Variants in ATAD2B observed in about 807,000 individuals in gnomAD.
ATAD2B encodes ATPase family AAA domain-containing protein 2B.
In ATAD2B, 40 loss-of-function variants were observed where a neutral mutation model predicts 167.6. The observed-to-expected ratio is 0.24, with a 90% CI of 0.19 to 0.31. ATAD2B has a LOEUF of 0.31. Among genes scored for constraint, ATAD2B ranks in the 10% least tolerant of loss-of-function variants. The pLI is 1.00. For missense variants in ATAD2B, 1,242 were observed against 1,757.2 expected, an observed-to-expected ratio of 0.71 and a Z score of 5.24; for synonymous variants, 579 against 596.5, an observed-to-expected ratio of 0.97 and a Z score of 0.43.
Position 23,926,865 on chromosome 2 carries a change from G to C in ATAD2B, c.-95C>G, listed in dbSNP as rs1704954779. 7.1e-7 allele frequency: 1 copy of C among 1,399,930 alleles called. No homozygotes were observed. Among genetic ancestry groups the C allele is most frequent in the East Asian group, 2.7e-5 (1 of 36,946 alleles). The allele number at this position is 1,399,930 out of a possible 1,614,324, so 86.7% of individuals were successfully genotyped here. On this transcript the variant is annotated 5_prime_UTR_variant, in exon 1 of 28. Transcript: ENST00000238789. ...CAGTCAGGGCCAGCGGAGCCGAGCCGGGCAATGAGAGACGAGCCGGCCCGG... is the reference window on the plus strand; with the variant it reads ...CAGTCAGGGCCAGCGGAGCCGAGCCCGGCAATGAGAGACGAGCCGGCCCGG...
chr2:23,703,297 C>T, the ATAD2B span: 22 of 1,548,346 alleles, frequency 1.4e-5, no homozygotes, highest in Middle Eastern at 3.3e-4. Context: ...GTGGGGTGAA[C>T]GAGGCAGGCC....
intron 17 of ATAD2B, among the ~76,000 whole-genome samples, chr2:23,815,124 G>A (rs1388704595): frequency 6.6e-6 from 1 of 152,018 alleles, no homozygotes; most frequent in Non-Finnish European, 1.5e-5. Flanking sequence ...TACTTTAGAG[G>A]AACAAGATAA....
intron 13 of ATAD2B, among the ~76,000 whole-genome samples, chr2:23,848,475 G>C (rs754582883): frequency 1.3e-5 from 2 of 152,116 alleles, no homozygotes; most frequent in Non-Finnish European, 2.9e-5. Context: ...GTGAGACTCT[G>C]TCTCAAAAAA....
intron 2 of ATAD2B, among the ~76,000 whole-genome samples, chr2:23,889,736 A>C (rs1185560401): frequency 6.6e-6 from 1 of 151,242 alleles, no homozygotes; most frequent in Non-Finnish European, 1.5e-5. Context: ...CCTGGCCAAC[A>C]TGGTGAAACC....
At chr2:23,762,387 A>G (rs767313482) in intron 23 of ATAD2B, 41 bp from the exon 24 acceptor site, 5 of 1,569,042 alleles carry the variant, frequency 3.2e-6, no homozygotes, top group Non-Finnish European at 3.4e-6. Context: ...AAATATTCCC[A>G]GCTACATAAA....
chr2:23,722,095 A>G, the ATAD2B span, among the ~76,000 whole-genome samples: 2 of 152,244 alleles, frequency 1.3e-5, no homozygotes, highest in Non-Finnish European at 2.9e-5. Context: ...CCATTCATAC[A>G]AATAAATCTT....
intron 1 of ATAD2B, among the ~76,000 whole-genome samples, chr2:23,919,866 T>C (rs1259068833): frequency 7.8e-6 from 1 of 128,114 alleles, no homozygotes; most frequent in Non-Finnish European, 1.7e-5. Context: ...AAAAAAGTAA[T>C]TAGGCCAGGC....
intron 14 of ATAD2B, among the ~76,000 whole-genome samples, chr2:23,829,493 G>A (rs765902530): frequency 1.6e-4 from 24 of 152,194 alleles, no homozygotes; most frequent in Non-Finnish European, 2.9e-4. Context: ...GCTCACACCT[G>A]CAATCCCAGC....
chr2:23,767,585 TA>T (rs1254195084), intron 22 of ATAD2B, among the ~76,000 whole-genome samples: 1 of 152,232 alleles, frequency 6.6e-6, no homozygotes, highest in Non-Finnish European at 1.5e-5. Flanking sequence ...GATTGTATCC[TA>T]AGAGCAATGA....
chr2:23,682,040 T>C, the ATAD2B span, among the ~76,000 whole-genome samples: 1 of 151,486 alleles, frequency 6.6e-6, no homozygotes, highest in African/African-American at 2.4e-5. This position sits in a 1 kb window ranked among gnomAD's most constrained non-coding sequence, Gnocchi z 4.1. Context: ...CCACAACTGA[T>C]CTTCTTGTTC....
intron 22 of ATAD2B, among the ~76,000 whole-genome samples, chr2:23,771,626 A>C (rs185626557): frequency 6.6e-6 from 1 of 151,910 alleles, no homozygotes. Flanking sequence ...TACTTGGCCT[A>C]TATGTTTTTT....
chr2:23,777,360 CTATAT>C (rs1558517020), intron 22 of ATAD2B, among the ~76,000 whole-genome samples: 1 of 151,110 alleles, frequency 6.6e-6, no homozygotes, highest in Non-Finnish European at 1.5e-5. Context: ...ATATCTATAT[CTATAT>C]CTATATCTAT....
rs1675109089 is a variant in ATAD2B, at chr2:23,749,227, C to T, written c.*2819G>A. On this transcript the variant is annotated 3_prime_UTR_variant, in exon 28 of 28. Transcript: ENST00000238789. The stretch of plus-strand genomic sequence containing the variant: ...CTCGAAAACACAATTAACTCCACAG[C>T]CATCAGTTTCAACCCTAGTGCGGTT... 2 of 151,992 alleles carry T rather than the reference C, an allele frequency of 1.3e-5. No individual in the cohort carries two copies. The highest frequency in any genetic ancestry group is 1.3e-4 in the Admixed American group (2 of 15,254). The allele number at this position is 151,992 out of a possible 1,614,324, so 9.4% of individuals were successfully genotyped here. A position where few individuals can be genotyped will look rare whatever the true frequency, so the allele number is the denominator to read the frequency against.
At chr2:23,805,530 TAC>T in intron 18 of ATAD2B, among the ~76,000 whole-genome samples, 1 of 152,322 alleles carries the variant, frequency 6.6e-6, no homozygotes, top group Non-Finnish European at 1.5e-5. Flanking sequence ...GTGTGGCAAT[TAC>T]ACACGACACA....
In ATAD2B at chr2:23,749,717, A is replaced by C. The variant is rs1272080113; in HGVS notation, c.*2329T>G. 6.6e-6 allele frequency: 1 copy of C among 152,122 alleles called. No homozygotes were observed. Among genetic ancestry groups the C allele is most frequent in the Non-Finnish European group, 1.5e-5 (1 of 68,004 alleles). 9.4% of individuals were successfully genotyped at this position (152,122 alleles called of 1,614,324 possible). ...AATTTCTCCATCTACATTACGGTTA[A>C]AAAAACAAACAAACAAAAGCAACTT... On this transcript the variant is annotated 3_prime_UTR_variant, in exon 28 of 28. Coordinates refer to ENST00000238789, the MANE Select transcript of ATAD2B (RefSeq NM_017552.4).
At chr2:23,709,563 G>A in the ATAD2B span, among the ~76,000 whole-genome samples, 1 of 151,954 alleles carries the variant, frequency 6.6e-6, no homozygotes, top group African/African-American at 2.4e-5. Context: ...AAAGCATATT[G>A]GCCAGCTTTG....
chr2:23,893,397 T>C (rs930311112), intron 2 of ATAD2B, among the ~76,000 whole-genome samples: 2 of 152,144 alleles, frequency 1.3e-5, no homozygotes, highest in Non-Finnish European at 2.9e-5. Context: ...CATAAGAGTT[T>C]AGATTACCAA....
At chr2:23,896,032 C>T (rs985060574) in intron 1 of ATAD2B, 62 bp from the exon 2 acceptor site, 1 of 1,413,436 alleles carries the variant, frequency 7.1e-7, no homozygotes, top group Non-Finnish European at 9.6e-7. Flanking sequence ...ATTGTTAATA[C>T]TAGGGGCCAG....
intron 1 of ATAD2B, among the ~76,000 whole-genome samples, chr2:23,901,981 T>G (rs1212036004): frequency 1.3e-5 from 2 of 152,234 alleles, no homozygotes. Context: ...GCACATTTAT[T>G]TATTGGCCAT....
Sources: allele counts gnomAD v4.1 joint callset (sites outside exome capture counted in the v4.1 genomes callset), GRCh38; gene constraint gnomAD v4.1.1; non-coding constraint Gnocchi (gnomAD v3.1); transcripts MANE v1.5; gene names NCBI Gene and HGNC (gene_info 2026-07-23, HGNC 2026-07-21).